Variants in CTCF observed in about 807,000 individuals in gnomAD.
CTCF encodes the protein CCCTC-binding factor.
A neutral mutation model predicts 72.3 loss-of-function variants in CTCF; 7 were observed. The observed-to-expected ratio is 0.10, with a 90% CI of 0.06 to 0.18. The LOEUF (loss-of-function observed/expected upper bound fraction) is 0.18. CTCF is among the 10% of genes least tolerant of loss of function. The pLI is 1.00. For missense variants in CTCF, 516 were observed against 949.1 expected (o/e 0.54, Z 6.00); for synonymous variants, 374 against 315.8 (o/e 1.18, Z -1.95).
chr16:67,608,968 C>T (rs1457819476), intron 2 of CTCF, among the ~76,000 whole-genome samples: 3 of 151,812 alleles, frequency 2.0e-5, no homozygotes, highest in Non-Finnish European at 2.9e-5. Flanking sequence ...CTCGTACTCC[C>T]GACCTCAGGT....
At chr16:67,594,471 T>G (rs1175937952) in intron 2 of CTCF, among the ~76,000 whole-genome samples, 1 of 151,696 alleles carries the variant, frequency 6.6e-6, no homozygotes, top group Non-Finnish European at 1.5e-5. Context: ...GGGGATGAAG[T>G]GGGAGGATCC....
chr16:67,566,915 A>G (rs1301997499), intron 1 of CTCF, among the ~76,000 whole-genome samples: 3 of 142,526 alleles, frequency 2.1e-5, no homozygotes, highest in Non-Finnish European at 4.6e-5. Flanking sequence ...TTTCTCTTTT[A>G]CCCAGGCTGG....
intron 2 of CTCF, among the ~76,000 whole-genome samples, chr16:67,607,218 A>C (rs1464574504): frequency 6.6e-6 from 1 of 152,110 alleles, no homozygotes; most frequent in Non-Finnish European, 1.5e-5. Flanking sequence ...CGGCCTCCCA[A>C]AATGCTGGGA....
chr16:67,626,864 T>A, intron 8 of CTCF, 149 bp downstream of exon 8: 1 of 482,018 alleles, frequency 2.1e-6, no homozygotes, highest in Non-Finnish European at 3.4e-6. Context: ...AAGGTCATGC[T>A]CCTTGTCAAT....
chr16:67,604,877 GATA>G (rs1008564871), intron 2 of CTCF, among the ~76,000 whole-genome samples: 84 of 145,656 alleles, frequency 5.8e-4, no homozygotes, highest in African/African-American at 2.0e-3. Flanking sequence ...ATATTCTAAA[GATA>G]ATCTGTCTGA....
chr16:67,574,742 T>C (rs2051472366), intron 2 of CTCF, among the ~76,000 whole-genome samples: 1 of 140,866 alleles, frequency 7.1e-6, no homozygotes, highest in Non-Finnish European at 1.5e-5. Context: ...CACTGCAAGC[T>C]CCGCATCCCA....
In CTCF at chr16:67,631,154, G is replaced by GTTTTT. The variant is rs766362012; in HGVS notation, c.1837+1627_1837+1631dup. ...ATTGGGCTTTTTTTGTTCTTTGTTT[G>GTTTTT]TTTTTTTTTTGTTTTTTGTTTTTTT... On this transcript the variant is annotated intron_variant, in intron 10 of 11. Transcript: ENST00000264010. Among the ~76,000 whole-genome samples the GTTTTT allele has an allele frequency of 3.9e-3, 493 of 124,888 alleles. 29 individuals carry two copies. Among genetic ancestry groups the GTTTTT allele is most frequent in the African/African-American group, 8.2e-3 (244 of 29,758 alleles). 81.9% of individuals were successfully genotyped at this position (124,888 alleles called of 152,430 possible).
chr16:67,617,405 A>G (rs1472243850), intron 5 of CTCF, among the ~76,000 whole-genome samples: 1 of 152,216 alleles, frequency 6.6e-6, no homozygotes, highest in African/African-American at 2.4e-5. Flanking sequence ...AGGCTGAGGC[A>G]GGAGAATGGC....
Position 67,638,512 on chromosome 16 carries a change from C to G in CTCF, c.*640C>G, listed in dbSNP as rs548273915. 4.4e-6 allele frequency: 1 copy of G among 226,978 alleles called. No homozygotes were observed. The highest frequency in any genetic ancestry group is 2.2e-5 in the African/African-American group (1 of 45,132). The allele number at this position is 226,978 out of a possible 1,614,324, so 14.1% of individuals were successfully genotyped here. A position where few individuals can be genotyped will look rare whatever the true frequency, so the allele number is the denominator to read the frequency against. The stretch of plus-strand genomic sequence containing the variant: ...GTAAGAAAACCCAGCATTTTAATTA[C>G]TTGCAAATTAAGTTACCACAGACTC... On this transcript the variant is annotated 3_prime_UTR_variant, in exon 12 of 12. Coordinates refer to ENST00000264010, the MANE Select transcript of CTCF (RefSeq NM_006565.4).
intron 2 of CTCF, among the ~76,000 whole-genome samples, chr16:67,604,759 T>TC (rs2051949901): frequency 6.7e-6 from 1 of 149,866 alleles, no homozygotes; most frequent in African/African-American, 2.5e-5. Flanking sequence ...TTTGTTTTTT[T>TC]TTTTTACTTT....
At chr16:67,631,272 TTTCCTGCTCAGC>T (rs1425296630) in intron 10 of CTCF, among the ~76,000 whole-genome samples, 1 of 151,700 alleles carries the variant, frequency 6.6e-6, no homozygotes, top group East Asian at 1.9e-4. Context: ...TTCAAGCGAT[TTTCCTGCTCAGC>T]TTCCCAGGTA....
intron 2 of CTCF, among the ~76,000 whole-genome samples, chr16:67,606,683 T>C (rs1427965340): frequency 2.6e-5 from 4 of 151,488 alleles, no homozygotes; most frequent in African/African-American, 7.3e-5. Context: ...GTGTGTCTAA[T>C]AGAACTAACA....
intron 5 of CTCF, 88 bp from the exon 6 acceptor site, chr16:67,620,609 C>A: frequency 8.6e-7 from 1 of 1,156,698 alleles, no homozygotes; most frequent in Non-Finnish European, 1.2e-6. Flanking sequence ...TTCAGTGCCC[C>A]AAAGCTAAGC....
At chr16:67,573,665 T>TTTTA (rs1161118113) in intron 2 of CTCF, among the ~76,000 whole-genome samples, 2 of 152,146 alleles carry the variant, frequency 1.3e-5, no homozygotes, top group African/African-American at 4.8e-5. Flanking sequence ...GTCCTTGTAG[T>TTTTA]ATTTGTGTAG....
chr16:67,586,906 GC>G (rs1436346880), intron 2 of CTCF, among the ~76,000 whole-genome samples: 3 of 151,764 alleles, frequency 2.0e-5, no homozygotes, highest in African/African-American at 4.8e-5. Flanking sequence ...CAATCCTCCC[GC>G]CTCAGCCTCC....
intron 6 of CTCF, 133 bp from the exon 7 acceptor site, chr16:67,621,309 G>GGACT: frequency 1.5e-6 from 1 of 645,700 alleles, no homozygotes; most frequent in Non-Finnish European, 2.7e-6. Context: ...CCGGGAACTG[G>GGACT]GACTGAGCCT....
At chr16:67,590,426 TAGA>T (rs2051726090) in intron 2 of CTCF, among the ~76,000 whole-genome samples, 1 of 152,020 alleles carries the variant, frequency 6.6e-6, no homozygotes, top group African/African-American at 2.4e-5. Context: ...TTTTTTAACT[TAGA>T]AGAAACATTT....
chr16:67,566,171 C>T (rs555846038), intron 1 of CTCF, among the ~76,000 whole-genome samples: 1 of 152,234 alleles, frequency 6.6e-6, no homozygotes, highest in East Asian at 1.9e-4. Flanking sequence ...ACAATAATGG[C>T]AAATAATGTG....
At chr16:67,591,168 C>T (rs2051738774) in intron 2 of CTCF, among the ~76,000 whole-genome samples, 1 of 151,054 alleles carries the variant, frequency 6.6e-6, no homozygotes, top group Non-Finnish European at 1.5e-5. Flanking sequence ...TGATGCGTGC[C>T]TGTAATCCCA....
Sources: allele counts gnomAD v4.1 joint callset (sites outside exome capture counted in the v4.1 genomes callset), GRCh38; gene constraint gnomAD v4.1.1; transcripts MANE v1.5; gene names NCBI Gene and HGNC (gene_info 2026-07-23, HGNC 2026-07-21).